SLC27A6: variants seen among roughly 807,000 people sequenced by gnomAD.
SLC27A6 encodes the protein solute carrier family 27 member 6.
In SLC27A6, 74 loss-of-function variants were observed where a neutral mutation model predicts 63.9. That is an observed-to-expected ratio of 1.16 (90% CI 0.96 to 1.40). The LOEUF is 1.40. SLC27A6 is among the 40% of genes most tolerant of loss of function. The pLI, the probability that SLC27A6 is intolerant of heterozygous loss-of-function variation, is 0.00. For missense variants in SLC27A6, 794 were observed against 732.9 expected (o/e 1.08, Z -0.96); for synonymous variants, 287 against 260.8 (o/e 1.10, Z -0.97).
chr5:129,013,963 T>G (rs1178852902), intron 4 of SLC27A6, among the ~76,000 whole-genome samples: 4 of 152,176 alleles, frequency 2.6e-5, no homozygotes, highest in African/African-American at 9.6e-5. Context: ...GATTCTAGGG[T>G]GACTAAGTGA....
chr5:129,020,261 C>A (rs1277281378), intron 5 of SLC27A6, among the ~76,000 whole-genome samples: 1 of 152,116 alleles, frequency 6.6e-6, no homozygotes, highest in Non-Finnish European at 1.5e-5. Context: ...ACTATAATAC[C>A]TGCATATTTA....
chr5:128,985,372 C>T (rs753723841), intron 2 of SLC27A6, 36 bp downstream of exon 2: 245 of 1,582,168 alleles, frequency 1.5e-4, no homozygotes, highest in Middle Eastern at 3.5e-4. Context: ...AAAATGAATG[C>T]GAGAAATTTG....
intron 1 of SLC27A6, among the ~76,000 whole-genome samples, 163 bp downstream of exon 1, chr5:128,966,781 G>A (rs1432700630): frequency 6.6e-6 from 1 of 152,072 alleles, no homozygotes; most frequent in Non-Finnish European, 1.5e-5. Context: ...TTTAACAACT[G>A]TCTCCTCCCT....
At chr5:129,025,940 A>G (rs1190112696) in intron 6 of SLC27A6, among the ~76,000 whole-genome samples, 1 of 152,106 alleles carries the variant, frequency 6.6e-6, no homozygotes, top group African/African-American at 2.4e-5. Context: ...GTTCTAGATC[A>G]GCTGGGCAAC....
intron 4 of SLC27A6, among the ~76,000 whole-genome samples, chr5:128,991,382 G>A (rs368025436): frequency 5.3e-5 from 8 of 152,086 alleles, no homozygotes; most frequent in Admixed American, 4.6e-4. Context: ...ACAAAGATGC[G>A]TGCAATACCC....
chr5:129,024,546 T>A (rs1752173619), intron 6 of SLC27A6, among the ~76,000 whole-genome samples: 1 of 152,064 alleles, frequency 6.6e-6, no homozygotes, highest in African/African-American at 2.4e-5. Flanking sequence ...GTATGTGGCT[T>A]GTTACTTTCC....
At chr5:128,985,419 A>G in intron 2 of SLC27A6, 83 bp downstream of exon 2, 2 of 1,090,808 alleles carry the variant, frequency 1.8e-6, no homozygotes, top group Non-Finnish European at 2.8e-6. Flanking sequence ...TACCATGTGT[A>G]GTGACCAACC....
chr5:129,000,654 C>G (rs1405699249), intron 4 of SLC27A6, among the ~76,000 whole-genome samples: 5 of 152,164 alleles, frequency 3.3e-5, no homozygotes, highest in Admixed American at 2.6e-4. Context: ...TGGGACCCTG[C>G]ACTTTTTGGA....
Position 128,985,346 on chromosome 5 carries a change from A to G in SLC27A6, c.685+10A>G, listed in dbSNP as rs774800584. On this transcript the variant is annotated intron_variant, in intron 2 of 9. Coordinates refer to ENST00000262462, the MANE Select transcript of SLC27A6 (RefSeq NM_001017372.3). ...ACCTCTGGAACAACAGGTATGATCC[A>G]ATTCTTTTGAAGGCTAAAATGAATG... The G allele has an allele frequency of 3.0e-5, 49 of 1,610,422 alleles. No individual in the cohort carries two copies. Among genetic ancestry groups the G allele is most frequent in the South Asian group, 3.0e-4 (27 of 90,894 alleles).
At chr5:129,017,481 T>C (rs1751941470) in intron 5 of SLC27A6, among the ~76,000 whole-genome samples, 1 of 152,138 alleles carries the variant, frequency 6.6e-6, no homozygotes, top group Admixed American at 6.5e-5. Context: ...TATAAGTTAA[T>C]TTTTAAAAGG....
intron 4 of SLC27A6, among the ~76,000 whole-genome samples, chr5:129,009,755 AC>A (rs1751667095): frequency 6.6e-6 from 1 of 151,474 alleles, no homozygotes; most frequent in South Asian, 2.1e-4. Flanking sequence ...GCTCACTGCA[AC>A]CTCCACCCCC....
chr5:128,970,912 T>G (rs930593533), intron 1 of SLC27A6, among the ~76,000 whole-genome samples: 1 of 152,202 alleles, frequency 6.6e-6, no homozygotes, highest in Non-Finnish European at 1.5e-5. Flanking sequence ...TAAATTTCCC[T>G]CTACACACTG....
At chr5:128,998,184 G>A (rs1329012608) in intron 4 of SLC27A6, among the ~76,000 whole-genome samples, 3 of 151,852 alleles carry the variant, frequency 2.0e-5, no homozygotes, top group Non-Finnish European at 4.4e-5. Context: ...CCATGCTATG[G>A]GGGAGGCTGA....
chr5:129,016,007 C>T lies in SLC27A6; in HGVS notation c.1092C>T (p.Thr364=), dbSNP rs538599982. The T allele has an allele frequency of 4.1e-5, 66 of 1,608,826 alleles. No individual in the cohort carries two copies. Among genetic ancestry groups the T allele is most frequent in the Admixed American group, 1.0e-4 (6 of 58,548 alleles). The change falls in exon 5 of 10, where the codon ACC becomes ACT. Residue 364 remains threonine (T), a synonymous_variant. Transcript: ENST00000262462. The part of the protein sequence containing the change: ...NIKVCELYAA[T]ESSISFMNYT... ...AGGTGTGTGAACTTTATGCAGCTAC[C>T]GAATCAAGCATATCTTTCATGAACT...
At chr5:129,003,967 C>CAA (rs779667758) in intron 4 of SLC27A6, among the ~76,000 whole-genome samples, 13,221 of 68,850 alleles carry the variant, frequency 0.19, 1,012 homozygotes, top group East Asian at 0.29. Context: ...GACCCTGTCT[C>CAA]AAAAAAAAAA....
At chr5:129,017,637 G>A (rs191378715) in intron 5 of SLC27A6, among the ~76,000 whole-genome samples, 4 of 152,002 alleles carry the variant, frequency 2.6e-5, no homozygotes, top group Admixed American at 6.6e-5. Flanking sequence ...TTGATAGAAG[G>A]CACAAATAAT....
intron 5 of SLC27A6, among the ~76,000 whole-genome samples, chr5:129,019,188 G>T (rs999083498): frequency 2.2e-4 from 33 of 151,960 alleles, no homozygotes; most frequent in African/African-American, 7.5e-4. Flanking sequence ...AAGAGATATT[G>T]TCCCACATAT....
At chr5:129,027,050 C>T in intron 6 of SLC27A6, 83 bp from the exon 7 acceptor site, 1 of 1,145,038 alleles carries the variant, frequency 8.7e-7, no homozygotes, top group African/African-American at 1.5e-5. Flanking sequence ...GTTGTGCTGG[C>T]CAGATATAAT....
At chr5:128,983,061 C>T (rs545813144) in intron 1 of SLC27A6, among the ~76,000 whole-genome samples, 148 of 152,240 alleles carry the variant, frequency 9.7e-4, no homozygotes, top group South Asian at 3.1e-3. Flanking sequence ...CAATGTATTT[C>T]ATTGTAGTAG....
Sources: gnomAD v4.1 joint callset for allele counts (sites outside exome capture counted in the v4.1 genomes callset) on GRCh38, gnomAD v4.1.1 for gene constraint, MANE v1.5 for transcripts, NCBI Gene and HGNC (gene_info 2026-07-23, HGNC 2026-07-21) for gene names.